Variants in OCEL1 observed in about 807,000 individuals in gnomAD.
OCEL1 encodes occludin/ELL domain-containing protein 1.
OCEL1 carries 24 observed loss-of-function variants against 29.4 expected under a neutral mutation model. The observed-to-expected ratio is 0.82, with a 90% confidence interval of 0.59 to 1.15. The LOEUF (loss-of-function observed/expected upper bound fraction) is 1.15. Ranked by LOEUF, OCEL1 falls within the 50% of genes most tolerant of loss-of-function variation. The pLI is 0.00. For synonymous variants in OCEL1, 172 were observed against 145.3 expected, an observed-to-expected ratio of 1.18 and a Z score of -1.32; for missense variants, 402 against 352.5, an observed-to-expected ratio of 1.14 and a Z score of -1.13.
In OCEL1 at chr19:17,226,743, G is replaced by T; in HGVS notation, c.120G>T (p.Arg40Ser). The T allele has an allele frequency of 6.4e-7, 1 of 1,568,758 alleles. No individual in the cohort carries two copies. Residue 40 changes from arginine to serine, a missense_variant, in exon 2 of 6, where the codon AGG becomes AGT. Physicochemically the swap from Arg to Ser is moderately radical, Grantham distance 110. Transcript: ENST00000215061. ...PPRAGHDAPR[R>S]TRPSARKPLS... ...GCGCGGGACACGACGCCCCCCGCAGGACCCGCCCATCAGCCCGGAAACCCC... is the reference window on the plus strand; with the variant it reads ...GCGCGGGACACGACGCCCCCCGCAGTACCCGCCCATCAGCCCGGAAACCCC...
intron 1 of OCEL1, 71 bp from the exon 2 acceptor site, chr19:17,226,622 G>T (rs904980571): frequency 7.2e-7 from 1 of 1,395,780 alleles, no homozygotes; most frequent in Non-Finnish European, 9.3e-7. Flanking sequence ...GCCGCTCTTC[G>T]GCCGAGCTGC....
At chr19:17,228,489 G>A (rs778031623) in intron 5 of OCEL1, 180 bp downstream of exon 5, 38 of 668,382 alleles carry the variant, frequency 5.7e-5, no homozygotes, top group South Asian at 1.8e-4. Flanking sequence ...GGGTTCAAGC[G>A]GTTCTCCTGC....
In OCEL1 at chr19:17,226,733, C is replaced by G. The variant is rs368420288; in HGVS notation, c.110C>G (p.Ala37Gly). 2.6e-6 allele frequency: 4 copies of G among 1,542,768 alleles called. No individual in the cohort carries two copies. The African/African-American group carries it at 5.6e-5, about 22-fold the overall frequency. The change falls in exon 2 of 6, where the codon GCC becomes GGC. Residue 37 changes from alanine to glycine, a missense_variant. Physicochemically the swap from Ala to Gly is moderately conservative, Grantham distance 60 (BLOSUM62 0). Coordinates refer to ENST00000215061, the MANE Select transcript of OCEL1 (RefSeq NM_024578.3). ...CCCCCGCCGCGCGCGGGACACGACG[C>G]CCCCCGCAGGACCCGCCCATCAGCC... is the stretch of plus-strand genomic sequence containing the variant. ...RPPPPRAGHD[A>G]PRRTRPSARK...
intron 1 of OCEL1, 49 bp downstream of exon 1, chr19:17,226,365 G>A (rs768364674): frequency 2.5e-6 from 4 of 1,589,214 alleles, no homozygotes; most frequent in Admixed American, 3.6e-5. Context: ...TGGGGCGGAG[G>A]TCCCGAGGAG....
chr19:17,226,469 G>T, intron 1 of OCEL1, 153 bp downstream of exon 1: 1 of 998,914 alleles, frequency 1.0e-6, no homozygotes, highest in Non-Finnish European at 1.4e-6. Flanking sequence ...CAGGCTGCGC[G>T]GCGACGTCAG....
rs781704485 is a variant in OCEL1, at chr19:17,226,825, T to G, written c.202T>G (p.Ser68Ala). The stretch of plus-strand genomic sequence containing the variant: ...CCGGGAGCCCCCAAAGACTCGCGGC[T>G]CCCGGGGGCACCTGCATACTCACCC... ...PTREPPKTRGSRGHLHTHPPG... is the reference protein window; with the variant it reads ...PTREPPKTRGARGHLHTHPPG... The change falls in exon 2 of 6, where the codon TCC becomes GCC. Residue 68 changes from serine to alanine, a missense_variant. By Grantham distance (99) the Ser-to-Ala change is moderately conservative. Coordinates refer to ENST00000215061, the MANE Select transcript of OCEL1 (RefSeq NM_024578.3). 2 of 1,581,330 alleles carry G rather than the reference T, an allele frequency of 1.3e-6. No individual in the cohort carries two copies. The highest frequency in any genetic ancestry group is 1.8e-5 in the Admixed American group (1 of 54,818).
intron 3 of OCEL1, among the ~76,000 whole-genome samples, 156 bp from the exon 4 acceptor site, chr19:17,227,684 C>CT (rs1423640357): frequency 1.3e-5 from 2 of 152,080 alleles, no homozygotes; most frequent in Non-Finnish European, 2.9e-5. Context: ...GAGCAAGACT[C>CT]TATCTCAAAA....
chr19:17,227,053 C>G lies in OCEL1; in HGVS notation c.306C>G (p.Pro102=). The G allele has an allele frequency of 1.2e-6, 2 of 1,609,418 alleles. No homozygotes were observed. Among genetic ancestry groups the G allele is most frequent in the Non-Finnish European group, 1.7e-6 (2 of 1,179,078 alleles). Residue 102 remains proline, a synonymous_variant, in exon 3 of 6, where the codon CCC becomes CCG. Transcript: ENST00000215061. ...GCGCCCCCCGCCCTCCGTGCCAGCC[C>G]CAGCCGGGACCCCACAAGGCAAAGA... ...KTSAPRPPCQ[P]QPGPHKAKTK...
intron 1 of OCEL1, 188 bp from the exon 2 acceptor site, chr19:17,226,505 G>A (rs2073360749): frequency 3.2e-5 from 28 of 884,580 alleles, no homozygotes; most frequent in Non-Finnish European, 4.4e-5. Flanking sequence ...CGCTTATTTG[G>A]GTTGCGCAGT....
intron 3 of OCEL1, 116 bp downstream of exon 3, chr19:17,227,315 T>C: frequency 1.1e-6 from 1 of 935,446 alleles, no homozygotes; most frequent in Non-Finnish European, 1.5e-6. Flanking sequence ...GATCCCTTGC[T>C]GATCAGTAGT....
chr19:17,226,508 T>C, intron 1 of OCEL1, 185 bp from the exon 2 acceptor site: 1 of 879,854 alleles, frequency 1.1e-6, no homozygotes, highest in Non-Finnish European at 1.7e-6. Flanking sequence ...TTATTTGGGT[T>C]GCGCAGTCGT....
rs2073391369 is a variant in OCEL1 at position 17,229,188 on chromosome 19, T to C, written c.*263T>C. On this transcript the variant is annotated 3_prime_UTR_variant, in exon 6 of 6. Transcript: ENST00000215061. ...CCCTGGAAGTAGGGCCTGCTCTCCA[T>C]CCCAGTGAAATAAACATGTATTAGA... 4 of 324,366 alleles carry C rather than the reference T, an allele frequency of 1.2e-5. No homozygotes were observed. In the East Asian group the frequency reaches 2.2e-4, roughly 18 times the overall value. The allele number at this position is 324,366 out of a possible 1,614,324, so 20.1% of individuals were successfully genotyped here. A position where few individuals can be genotyped will look rare whatever the true frequency, so the allele number is the denominator to read the frequency against.
In OCEL1 at chr19:17,228,783, C is replaced by A; in HGVS notation, c.673-20C>A. 6.2e-7 allele frequency: 1 copy of A among 1,610,556 alleles called. No homozygotes were observed. The highest frequency in any genetic ancestry group is 8.5e-7 in the Non-Finnish European group (1 of 1,179,200). On this transcript the variant is annotated intron_variant, in intron 5 of 5. Coordinates refer to ENST00000215061, the MANE Select transcript of OCEL1 (RefSeq NM_024578.3). ...ACAGGGCAGACTGCTGCAAAGACTT[C>A]CGGGTCTCGCCCTGCCTAGGATCCT...
chr19:17,226,579 C>T (rs1179663277), intron 1 of OCEL1, 114 bp from the exon 2 acceptor site: 44 of 1,196,956 alleles, frequency 3.7e-5, no homozygotes, highest in Non-Finnish European at 4.7e-5. Flanking sequence ...AGCGGTCGTT[C>T]TGGGGAACTC....
chr19:17,229,069 C>A lies in OCEL1; in HGVS notation c.*144C>A. 1.1e-6 allele frequency: 1 copy of A among 897,672 alleles called. No individual in the cohort carries two copies. The highest frequency in any genetic ancestry group is 1.6e-6 in the Non-Finnish European group (1 of 618,020). The allele number at this position is 897,672 out of a possible 1,614,324, so 55.6% of individuals were successfully genotyped here. A position where few individuals can be genotyped will look rare whatever the true frequency, so the allele number is the denominator to read the frequency against. On this transcript the variant is annotated 3_prime_UTR_variant, in exon 6 of 6. Coordinates refer to ENST00000215061, the MANE Select transcript of OCEL1 (RefSeq NM_024578.3). ...AAATGCCTCTTCAGTTTGGACTCAG[C>A]TCTGACAGCCCCTCCTCCAGGAAGG... is the stretch of plus-strand genomic sequence containing the variant.
chr19:17,226,946 G>C, intron 2 of OCEL1, 48 bp from the exon 3 acceptor site: 1 of 1,533,380 alleles, frequency 6.5e-7, no homozygotes, highest in African/African-American at 1.4e-5. Flanking sequence ...GAGGGACTCC[G>C]GTTTCCCGAC....
In OCEL1 at chr19:17,226,739, G is replaced by A. The variant is rs778505676; in HGVS notation, c.116G>A (p.Arg39His). The A allele has an allele frequency of 3.2e-6, 5 of 1,558,504 alleles. No homozygotes were observed. The highest frequency in any genetic ancestry group is 4.3e-6 in the Non-Finnish European group (5 of 1,158,834). Residue 39 changes from arginine (R) to histidine (H), a missense_variant, in exon 2 of 6, where the codon CGC becomes CAC. Transcript: ENST00000215061. ...PPPRAGHDAPRRTRPSARKPL... is the reference protein window; with the variant it reads ...PPPRAGHDAPHRTRPSARKPL... ...CCGCGCGCGGGACACGACGCCCCCC[G>A]CAGGACCCGCCCATCAGCCCGGAAA... is the stretch of plus-strand genomic sequence containing the variant.
chr19:17,227,256 T>A, intron 3 of OCEL1, 57 bp downstream of exon 3: 1 of 1,400,032 alleles, frequency 7.1e-7, no homozygotes, highest in South Asian at 1.7e-5. Context: ...GCACTGAGGC[T>A]GGGGCTTTGA....
rs151199940 is a variant in OCEL1 at position 17,229,011 on chromosome 19, C to A, written c.*86C>A. 2.1e-4 allele frequency: 313 copies of A among 1,494,870 alleles called. 4 individuals carry two copies. In the East Asian group the frequency reaches 5.6e-3, roughly 27 times the overall value. 92.6% of individuals were successfully genotyped at this position (1,494,870 alleles called of 1,614,324 possible). On this transcript the variant is annotated 3_prime_UTR_variant, in exon 6 of 6. Coordinates refer to ENST00000215061, the MANE Select transcript of OCEL1 (RefSeq NM_024578.3). ...TCTCTCAGCTTTTCCTCTTGCAGCT[C>A]CCCCTACCAGGGGTCGCTTTCTCCT...
Sources: gnomAD v4.1 joint callset for allele counts (sites outside exome capture counted in the v4.1 genomes callset) on GRCh38, gnomAD v4.1.1 for gene constraint, MANE v1.5 for transcripts, NCBI Gene and HGNC (gene_info 2026-07-23, HGNC 2026-07-21) for gene names.